The following TARBP1 variants were observed in gnomAD, a reference collection of about 807,000 sequenced individuals.
TARBP1 encodes tRNA guanosine 2 -O-methyltransferase TARBP1.
In TARBP1, 144 loss-of-function variants were observed where a neutral mutation model predicts 178.6. That is an observed-to-expected ratio of 0.81 (90% CI 0.70 to 0.93). The LOEUF (loss-of-function observed/expected upper bound fraction) is 0.93, where lower values mean the gene tolerates loss of function less well. Ranked by LOEUF, TARBP1 falls within the 40% of genes least tolerant of loss-of-function variation. The pLI, the probability that TARBP1 is intolerant of heterozygous loss-of-function variation, is 0.00. For missense variants in TARBP1, 2,067 were observed against 2,011.7 expected (o/e 1.03, Z -0.53); for synonymous variants, 787 against 781.0 (o/e 1.01, Z -0.13).
chr1:234,424,637 T>C (rs73101940), intron 20 of TARBP1, among the ~76,000 whole-genome samples: 4,264 of 152,230 alleles, frequency 0.028, 199 homozygotes, highest in African/African-American at 0.095. Flanking sequence ...ACTCTAAACA[T>C]AACTGGGGCC....
Position 234,430,235 on chromosome 1 carries a change from C to T in TARBP1, c.2461G>A (p.Ala821Thr), listed in dbSNP as rs1376386550. 1 of 1,614,170 alleles carries T rather than the reference C, an allele frequency of 6.2e-7. No homozygotes were observed. The highest frequency in any genetic ancestry group is 1.7e-5 in the Admixed American group (1 of 60,018). The change falls in exon 15 of 30, where the codon GCC (alanine) becomes ACC (threonine). Residue 821 changes from alanine to threonine, a missense_variant. Ala to Thr is a moderately conservative substitution (Grantham distance 58). Coordinates refer to ENST00000040877, the MANE Select transcript of TARBP1 (RefSeq NM_005646.4). The stretch of plus-strand genomic sequence containing the variant: ...TGCAGCTCAGGCTTCTGGTCTATGG[C>T]CTCACACACCATGGCCAAGGCAGCC... ...SMAALAMVCE[A>T]IDQKPELQLD...
At chr1:234,427,114 A>T (rs1260449530) in intron 19 of TARBP1, among the ~76,000 whole-genome samples, 2 of 151,998 alleles carry the variant, frequency 1.3e-5, no homozygotes, top group Non-Finnish European at 1.5e-5. Context: ...AAATTTTATC[A>T]AATTCTAGTG....
chr1:234,429,105 AG>A lies in TARBP1; in HGVS notation c.3060+30del, dbSNP rs1372479725. The A allele has an allele frequency of 5.9e-6, 9 of 1,527,796 alleles. No homozygotes were observed. In the East Asian group the frequency reaches 2.1e-4, roughly 35 times the overall value. The allele number at this position is 1,527,796 out of a possible 1,614,324, so 94.6% of individuals were successfully genotyped here. A position where few individuals can be genotyped will look rare whatever the true frequency, so the allele number is the denominator to read the frequency against. On this transcript the variant is annotated intron_variant, in intron 17 of 29. Transcript: ENST00000040877. ...TGTGCTGAAGCTCACACACATGAAA[AG>A]AAAAGCAAAAAGAAAAGAAAGTTAG...
Position 234,478,717 on chromosome 1 carries a change from G to A in TARBP1, c.387C>T (p.Leu129=). The change falls in exon 1 of 30, where the codon CTC becomes CTT. Residue 129 remains leucine, a synonymous_variant. Transcript: ENST00000040877. ...ALAEEALRDL[L]AGWRAPGAEA... ...CGGCGCCAGGCGCGCGCCACCCGGC[G>A]AGCAGATCGCGCAGCGCCTCCTCAG... 2 of 1,202,814 alleles carry A rather than the reference G, an allele frequency of 1.7e-6. No homozygotes were observed. Among genetic ancestry groups the A allele is most frequent in the Non-Finnish European group, 2.1e-6 (2 of 969,842 alleles). 74.5% of individuals were successfully genotyped at this position (1,202,814 alleles called of 1,614,324 possible).
Position 234,423,084 on chromosome 1 carries a change from C to T in TARBP1, c.3445-2272G>A, listed in dbSNP as rs116045104. On this transcript the variant is annotated intron_variant, in intron 20 of 29. Transcript: ENST00000040877. ...TCTAACAAGTTCCCAGGGATGCTGA[C>T]GCTGCTGATCCAGAGACCACACTTT... Among the ~76,000 whole-genome samples the T allele has an allele frequency of 7.2e-3, 1,097 of 152,292 alleles. 5 individuals are homozygous for T. The highest frequency in any genetic ancestry group is 9.8e-3 in the Non-Finnish European group (667 of 68,022).
chr1:234,442,825 T>G (rs757362304), intron 12 of TARBP1, among the ~76,000 whole-genome samples: 3 of 152,184 alleles, frequency 2.0e-5, no homozygotes, highest in Admixed American at 6.5e-5. Flanking sequence ...GTAGCTGCCT[T>G]CAAGGTATCC....
chr1:234,427,941 CTT>C (rs1256645109), intron 17 of TARBP1, among the ~76,000 whole-genome samples, 175 bp from the exon 18 acceptor site: 5 of 152,114 alleles, frequency 3.3e-5, no homozygotes, highest in Non-Finnish European at 4.4e-5. Context: ...TATTTCATCT[CTT>C]GATAATAAAA....
chr1:234,420,253 A>C (rs1662934654), intron 21 of TARBP1, among the ~76,000 whole-genome samples: 1 of 152,194 alleles, frequency 6.6e-6, no homozygotes, highest in Non-Finnish European at 1.5e-5. Context: ...CTATTCATGA[A>C]GTTAAGGGCA....
chr1:234,448,669 A>T, intron 10 of TARBP1, 90 bp from the exon 11 acceptor site: 1 of 914,918 alleles, frequency 1.1e-6, no homozygotes, highest in African/African-American at 1.7e-5. Context: ...ATTATGCCTT[A>T]TTAATATTAA....
chr1:234,460,280 C>T lies in TARBP1; in HGVS notation c.1516G>A (p.Asp506Asn), dbSNP rs760449449. 3 of 1,614,026 alleles carry T rather than the reference C, an allele frequency of 1.9e-6. No homozygotes were observed. The highest frequency in any genetic ancestry group is 2.5e-6 in the Non-Finnish European group (3 of 1,180,004). ...AATTACCTGAGAGCAAGAAGCCCAT[C>T]TATACCCAGGGCCTTATGTCTTGGG... Reference protein sequence around the residue: ...NVPRHKALGIDGLLALRDVIH... With the variant: ...NVPRHKALGINGLLALRDVIH... Residue 506 changes from aspartate to asparagine, a missense_variant, in exon 7 of 30, where the codon GAT (aspartate) becomes AAT (asparagine). By Grantham distance (23) the Asp-to-Asn change is conservative. Transcript: ENST00000040877.
chr1:234,408,158 A>G (rs1239782696), intron 23 of TARBP1, among the ~76,000 whole-genome samples: 2 of 152,184 alleles, frequency 1.3e-5, no homozygotes, highest in African/African-American at 4.8e-5. Context: ...ACAATGAGCA[A>G]GCTGACAGGA....
At chr1:234,396,579 G>A (rs1312496035) in intron 26 of TARBP1, among the ~76,000 whole-genome samples, 1 of 152,058 alleles carries the variant, frequency 6.6e-6, no homozygotes, top group East Asian at 1.9e-4. Context: ...GCAGGGACTC[G>A]GTCTCATGTC....
chr1:234,478,858 G>C lies in TARBP1; in HGVS notation c.246C>G (p.Gly82=). 7.9e-7 allele frequency: 1 copy of C among 1,265,928 alleles called. No homozygotes were observed. Among genetic ancestry groups the C allele is most frequent in the East Asian group, 3.3e-5 (1 of 30,062 alleles). 78.4% of individuals were successfully genotyped at this position (1,265,928 alleles called of 1,614,324 possible). Residue 82 remains glycine, a synonymous_variant, in exon 1 of 30, where the codon GGC becomes GGG. Coordinates refer to ENST00000040877, the MANE Select transcript of TARBP1 (RefSeq NM_005646.4). ...LLRSLRGRPA[G]GPDPSLQPRH... is the part of the protein sequence containing the mutation. ...GAGGCTGCAGACTGGGGTCCGGGCC[G>C]CCCGCGGGGCGTCCGCGCAGGCTCC...
chr1:234,433,363 T>C (rs527947046), intron 14 of TARBP1, 47 bp downstream of exon 14: 7 of 1,570,266 alleles, frequency 4.5e-6, no homozygotes, highest in Non-Finnish European at 6.1e-6. Flanking sequence ...GTATTCCCTG[T>C]ATGCCTTATT....
rs183341144 is a variant in TARBP1 at position 234,450,036 on chromosome 1, T to C, written c.1861+392A>G. 1.5e-3 allele frequency among the ~76,000 whole-genome samples: 225 copies of C among 152,326 alleles called. 1 individual carries two copies. The highest frequency in any genetic ancestry group is 2.6e-3 in the Non-Finnish European group (175 of 68,016). ...CATAATCAGTTCATACTAAACGTGC[T>C]TTAAAAATGAAAAAGATAAACACGT... On this transcript the variant is annotated intron_variant, in intron 10 of 29. Transcript: ENST00000040877.
chr1:234,410,412 C>T (rs769896223), intron 23 of TARBP1, 33 bp downstream of exon 23: 7 of 1,250,378 alleles, frequency 5.6e-6, no homozygotes, highest in African/African-American at 1.5e-5. Flanking sequence ...TCTTTTTTTA[C>T]AGTCAAGTTT....
At chr1:234,477,708 A>AG (rs1669696583) in intron 1 of TARBP1, among the ~76,000 whole-genome samples, 1 of 152,254 alleles carries the variant, frequency 6.6e-6, no homozygotes, top group South Asian at 2.1e-4. Flanking sequence ...CCTAATTACC[A>AG]GGGGAAATTT....
Position 234,478,472 on chromosome 1 carries a change from C to A in TARBP1, c.632G>T (p.Trp211Leu). ...CGCCCCAGGCGCGGCCAGCCCGCCC[C>A]ACACGGCCCGCAGCGCCGCCCCGCC... is the stretch of plus-strand genomic sequence containing the variant. ...QCGGAALRAV[W>L]GGLAAPGASL... is the part of the protein sequence containing the mutation. Residue 211 changes from tryptophan to leucine, a missense_variant, in exon 1 of 30, where the codon TGG becomes TTG. Transcript: ENST00000040877. 7.2e-7 allele frequency: 1 copy of A among 1,383,618 alleles called. No individual in the cohort carries two copies. The highest frequency in any genetic ancestry group is 1.5e-5 in the South Asian group (1 of 68,618). 85.7% of individuals were successfully genotyped at this position (1,383,618 alleles called of 1,614,324 possible). A position where few individuals can be genotyped will look rare whatever the true frequency, so the allele number is the denominator to read the frequency against.
intron 6 of TARBP1, among the ~76,000 whole-genome samples, chr1:234,460,842 ATAC>A (rs1667784291): frequency 6.6e-6 from 1 of 152,264 alleles, no homozygotes; most frequent in African/African-American, 2.4e-5. Context: ...ATACAGTGAA[ATAC>A]TATTCAGCCA....
Sources: allele counts gnomAD v4.1 joint callset (sites outside exome capture counted in the v4.1 genomes callset), GRCh38; gene constraint gnomAD v4.1.1; transcripts MANE v1.5; gene names NCBI Gene and HGNC (gene_info 2026-07-23, HGNC 2026-07-21).